Variants in TNFSF4 observed in about 807,000 individuals in gnomAD.
TNFSF4 encodes TNF superfamily member 4.
TNFSF4 carries 4 observed loss-of-function variants against 7.3 expected under a neutral mutation model. That is an observed-to-expected ratio of 0.55 (90% confidence interval 0.27 to 1.25). The LOEUF is 1.25. Among genes scored for constraint, TNFSF4 ranks in the 50% most tolerant of loss-of-function variants. TNFSF4 has a pLI of 0.12. For missense variants in TNFSF4, 181 were observed against 208.8 expected, an observed-to-expected ratio of 0.87 and a Z score of 0.82; for synonymous variants, 76 against 83.7, an observed-to-expected ratio of 0.91 and a Z score of 0.50.
the TNFSF4 span, among the ~76,000 whole-genome samples, chr1:173,373,480 G>A: frequency 6.6e-6 from 1 of 152,116 alleles, no homozygotes; most frequent in African/African-American, 2.4e-5. Flanking sequence ...ACAGAAGAGG[G>A]AAAAGTACTC....
the TNFSF4 span, among the ~76,000 whole-genome samples, chr1:173,272,750 T>G: frequency 6.6e-6 from 1 of 152,188 alleles, no homozygotes; most frequent in African/African-American, 2.4e-5. Flanking sequence ...GCTCTTGCCC[T>G]GTCTGCAAAC....
the TNFSF4 span, among the ~76,000 whole-genome samples, chr1:173,231,318 C>T: frequency 6.6e-6 from 1 of 152,160 alleles, no homozygotes; most frequent in Non-Finnish European, 1.5e-5. Flanking sequence ...CATATTCCAG[C>T]ATATAAACAG....
chr1:173,313,139 G>A, the TNFSF4 span, among the ~76,000 whole-genome samples: 114 of 152,106 alleles, frequency 7.5e-4, 3 homozygotes, highest in South Asian at 0.015. Context: ...GTCAGGATTC[G>A]GGGAGGAGGA....
chr1:173,274,502 A>C, the TNFSF4 span, among the ~76,000 whole-genome samples: 1 of 152,106 alleles, frequency 6.6e-6, no homozygotes, highest in Non-Finnish European at 1.5e-5. Context: ...CGGTAAGCAG[A>C]ATTCTAAGAT....
chr1:173,304,244 G>A, the TNFSF4 span, among the ~76,000 whole-genome samples: 10 of 151,932 alleles, frequency 6.6e-5, no homozygotes, highest in East Asian at 1.9e-4. Context: ...TTTATTGCAC[G>A]ATATTCAAAA....
At chr1:173,420,223 A>T in the TNFSF4 span, among the ~76,000 whole-genome samples, 1 of 152,132 alleles carries the variant, frequency 6.6e-6, no homozygotes, top group East Asian at 1.9e-4. Flanking sequence ...CAAAAAAAAA[A>T]GTAAAAAACA....
the TNFSF4 span, among the ~76,000 whole-genome samples, chr1:173,272,514 T>C: frequency 6.6e-6 from 1 of 151,982 alleles, no homozygotes; most frequent in Admixed American, 6.6e-5. Flanking sequence ...TCGTTTCCCA[T>C]CGAAATTCAT....
the TNFSF4 span, among the ~76,000 whole-genome samples, chr1:173,277,650 G>T: frequency 1.3e-5 from 2 of 152,092 alleles, no homozygotes; most frequent in Non-Finnish European, 2.9e-5. Flanking sequence ...TATCAGTTCT[G>T]CATTAGCACT....
the TNFSF4 span, among the ~76,000 whole-genome samples, chr1:173,326,546 G>T: frequency 6.6e-6 from 1 of 152,094 alleles, no homozygotes; most frequent in African/African-American, 2.4e-5. Context: ...GAAATAAAGG[G>T]CATTCAATTA....
At chr1:173,254,267 C>T in the TNFSF4 span, among the ~76,000 whole-genome samples, 1 of 152,156 alleles carries the variant, frequency 6.6e-6, no homozygotes, top group Non-Finnish European at 1.5e-5. Flanking sequence ...AGGTCAGCCT[C>T]CATTCTATAA....
At chr1:173,341,618 G>C in the TNFSF4 span, among the ~76,000 whole-genome samples, 1 of 152,110 alleles carries the variant, frequency 6.6e-6, no homozygotes, top group African/African-American at 2.4e-5. Context: ...GCATTTCTAG[G>C]CCTCAATGTT....
chr1:173,362,741 C>A, the TNFSF4 span: 1 of 394,232 alleles, frequency 2.5e-6, no homozygotes, highest in Non-Finnish European at 5.0e-6. Flanking sequence ...TTCAACACAT[C>A]TTGAAGATAC....
the TNFSF4 span, among the ~76,000 whole-genome samples, chr1:173,217,065 TC>T: frequency 6.6e-6 from 1 of 152,068 alleles, no homozygotes; most frequent in Non-Finnish European, 1.5e-5. Context: ...CCACACCACC[TC>T]CCGTCTGCTC....
chr1:173,196,370 T>A (rs1455255357), intron 1 of TNFSF4, among the ~76,000 whole-genome samples: 1 of 152,174 alleles, frequency 6.6e-6, no homozygotes, highest in Non-Finnish European at 1.5e-5. Context: ...TTAACTGCCA[T>A]CCAAAGCCTT....
chr1:173,349,067 C>T, the TNFSF4 span, among the ~76,000 whole-genome samples: 2 of 152,108 alleles, frequency 1.3e-5, no homozygotes, highest in Non-Finnish European at 2.9e-5. Flanking sequence ...CTCCCTCTCT[C>T]TCCCAGGCTG....
the TNFSF4 span, among the ~76,000 whole-genome samples, chr1:173,227,632 G>C: frequency 6.6e-6 from 1 of 152,212 alleles, no homozygotes; most frequent in Non-Finnish European, 1.5e-5. Context: ...CCAAAGCAGG[G>C]CGAGGCATCG....
the TNFSF4 span, among the ~76,000 whole-genome samples, chr1:173,426,424 C>T: frequency 1.3e-5 from 2 of 152,230 alleles, no homozygotes; most frequent in South Asian, 4.1e-4. Flanking sequence ...AAATGCCATA[C>T]TTAGGAGTGT....
chr1:173,386,459 T>A, the TNFSF4 span, among the ~76,000 whole-genome samples: 1 of 152,010 alleles, frequency 6.6e-6, no homozygotes, highest in African/African-American at 2.4e-5. Flanking sequence ...ACCAAGGCAA[T>A]GTCCAGTAGA....
At chr1:173,439,808 T>G in the TNFSF4 span, among the ~76,000 whole-genome samples, 3,531 of 152,198 alleles carry the variant, frequency 0.023, 143 homozygotes, top group African/African-American at 0.081. Context: ...TTCTAAACAA[T>G]TCATCAAGCC....
Sources: gnomAD v4.1 joint callset for allele counts (sites outside exome capture counted in the v4.1 genomes callset) on GRCh38, gnomAD v4.1.1 for gene constraint, MANE v1.5 for transcripts, NCBI Gene and HGNC (gene_info 2026-07-23, HGNC 2026-07-21) for gene names.